The following SULT1B1 variants were observed in gnomAD, a reference collection of about 807,000 sequenced individuals.
SULT1B1 encodes sulfotransferase 1B1.
In SULT1B1, 28 loss-of-function variants were observed where a neutral mutation model predicts 34.6. That is an observed-to-expected ratio of 0.81 (90% confidence interval 0.60 to 1.11). The LOEUF is 1.11. Among genes scored for constraint, SULT1B1 ranks in the 50% least tolerant of loss-of-function variants. SULT1B1 has a pLI of 0.00. For missense variants in SULT1B1, 374 were observed against 352.2 expected, an observed-to-expected ratio of 1.06 and a Z score of -0.50; for synonymous variants, 147 against 110.2, an observed-to-expected ratio of 1.33 and a Z score of -2.09.
chr4:69,730,023 A>T (rs963408347), intron 7 of SULT1B1, among the ~76,000 whole-genome samples: 15 of 152,124 alleles, frequency 9.9e-5, no homozygotes, highest in Admixed American at 8.5e-4. Context: ...GAGGGCTAAA[A>T]CTTCTTATAA....
intron 4 of SULT1B1, among the ~76,000 whole-genome samples, chr4:69,743,992 G>C (rs763212427): frequency 4.7e-4 from 72 of 152,130 alleles, no homozygotes; most frequent in African/African-American, 1.7e-3. Context: ...AAAGCACAGG[G>C]AGCCCTGGGT....
At chr4:69,755,590 A>T (rs555016347) in intron 1 of SULT1B1, among the ~76,000 whole-genome samples, 14 of 152,302 alleles carry the variant, frequency 9.2e-5, no homozygotes, top group African/African-American at 3.4e-4. Context: ...ACTGCTCATT[A>T]TTAAGACTTC....
chr4:69,751,909 C>T (rs1718997601), intron 3 of SULT1B1, among the ~76,000 whole-genome samples: 1 of 152,186 alleles, frequency 6.6e-6, no homozygotes, highest in Non-Finnish European at 1.5e-5. Context: ...GGTTCTGTCA[C>T]TTTTTCATTT....
intron 4 of SULT1B1, 52 bp from the exon 5 acceptor site, chr4:69,734,316 T>A (rs1401136602): frequency 7.6e-6 from 12 of 1,573,232 alleles, no homozygotes; most frequent in Non-Finnish European, 8.6e-7. Context: ...AGACATTTTG[T>A]TTAGGAAAAA....
At chr4:69,736,746 G>A (rs1468846934) in intron 4 of SULT1B1, among the ~76,000 whole-genome samples, 3 of 152,060 alleles carry the variant, frequency 2.0e-5, no homozygotes, top group African/African-American at 7.2e-5. Context: ...TGTAATGGCA[G>A]TGTTAGAGGA....
intron 4 of SULT1B1, among the ~76,000 whole-genome samples, chr4:69,744,888 T>A (rs1718692265): frequency 6.6e-6 from 1 of 152,220 alleles, no homozygotes; most frequent in Non-Finnish European, 1.5e-5. Context: ...TTAGTACTGC[T>A]TTAGCTATGT....
chr4:69,733,495 G>A lies in SULT1B1; in HGVS notation c.515C>T (p.Ser172Phe). The A allele has an allele frequency of 1.9e-6, 3 of 1,602,548 alleles. No individual in the cohort carries two copies. In the East Asian group the frequency reaches 6.8e-5, roughly 36 times the overall value. ...KFLTGKVAYG[S>F]WFTHVKNWWK... is the part of the protein sequence containing the mutation. ...CCAGTTTTTAACATGAGTAAACCAG[G>A]AACCATAGGCCACTAAAACCAGATA... Residue 172 changes from serine to phenylalanine, a missense_variant, in exon 6 of 8, where the codon TCC becomes TTC. By Grantham distance (155) the Ser-to-Phe change is radical. Coordinates refer to ENST00000310613, the MANE Select transcript of SULT1B1 (RefSeq NM_014465.4).
intron 4 of SULT1B1, among the ~76,000 whole-genome samples, chr4:69,740,765 G>A (rs927974237): frequency 1.3e-5 from 2 of 152,126 alleles, no homozygotes; most frequent in Non-Finnish European, 2.9e-5. Context: ...TCTTTTGCCA[G>A]TTTTTAATTG....
intron 6 of SULT1B1, among the ~76,000 whole-genome samples, chr4:69,731,433 G>C (rs890273766): frequency 1.3e-5 from 2 of 152,064 alleles, no homozygotes; most frequent in Non-Finnish European, 2.9e-5. Context: ...TCCCGTCCCT[G>C]GTGCCAAAAA....
In SULT1B1 at chr4:69,750,023, G is replaced by A. The variant is rs1303296506; in HGVS notation, c.278-205C>T. Among the ~76,000 whole-genome samples, 5 of 152,126 alleles carry A rather than the reference G, an allele frequency of 3.3e-5. No homozygotes were observed. In the East Asian group the frequency reaches 9.6e-4, roughly 29 times the overall value. Reference sequence around the variant, plus strand: ...CACATTCTGAGGTTAGCCACCCTGAGTTCAAATGCTAACTCTATCACTTAA... The same window carrying A: ...CACATTCTGAGGTTAGCCACCCTGAATTCAAATGCTAACTCTATCACTTAA... On this transcript the variant is annotated intron_variant, in intron 3 of 7. Coordinates refer to ENST00000310613, the MANE Select transcript of SULT1B1 (RefSeq NM_014465.4).
intron 3 of SULT1B1, among the ~76,000 whole-genome samples, chr4:69,750,354 A>G (rs1718933454): frequency 6.6e-6 from 1 of 152,138 alleles, no homozygotes; most frequent in Admixed American, 6.5e-5. Context: ...CCATATATGT[A>G]TAGACAGTAA....
intron 3 of SULT1B1, among the ~76,000 whole-genome samples, chr4:69,753,699 T>A (rs978091317): frequency 6.6e-6 from 1 of 152,220 alleles, no homozygotes; most frequent in Admixed American, 6.5e-5. Flanking sequence ...CTTGTTAAAT[T>A]AAGTTTAGAC....
intron 1 of SULT1B1, chr4:69,758,524 A>G (rs1404217498): frequency 2.1e-6 from 2 of 959,828 alleles, no homozygotes; most frequent in African/African-American, 3.5e-5. Context: ...CCTCATTTCA[A>G]AAATTGTCTA....
intron 4 of SULT1B1, among the ~76,000 whole-genome samples, chr4:69,749,430 A>T (rs1718883269): frequency 6.6e-6 from 1 of 152,176 alleles, no homozygotes; most frequent in Non-Finnish European, 1.5e-5. Flanking sequence ...TAACGTCCTT[A>T]AGTTCAGTTT....
chr4:69,730,670 C>T lies in SULT1B1; in HGVS notation c.609G>A (p.Glu203=). ...GAAATCTAATGATCTTCTTGATTTC[C>T]TCCTTTGGATTCTATTAGTGGGTAA... ...YYEDMKENPK[E]EIKKIIRFLE... Residue 203 remains glutamate (E), a synonymous_variant, in exon 7 of 8, where the codon GAG becomes GAA. Transcript: ENST00000310613. 3 of 1,611,670 alleles carry T rather than the reference C, an allele frequency of 1.9e-6. No homozygotes were observed. The highest frequency in any genetic ancestry group is 2.5e-6 in the Non-Finnish European group (3 of 1,179,368).
At chr4:69,728,986 A>G (rs1425859577) in intron 7 of SULT1B1, among the ~76,000 whole-genome samples, 1 of 151,914 alleles carries the variant, frequency 6.6e-6, no homozygotes, top group Non-Finnish European at 1.5e-5. Context: ...CTTTTTTTCT[A>G]TTGAGGTTGG....
Position 69,721,449 on chromosome 4 carries a change from A to G in SULT1B1, c.*5639T>C, listed in dbSNP as rs1717667730. 6.6e-6 allele frequency: 1 copy of G among 152,114 alleles called. No homozygotes were observed. Among genetic ancestry groups the G allele is most frequent in the South Asian group, 2.1e-4 (1 of 4,836 alleles). 9.4% of individuals were successfully genotyped at this position (152,114 alleles called of 1,614,324 possible). ...GTTTTCCCATATATCATTAATATCAAGCATTTTGAAGAAATTATAGTATCT... is the reference window on the plus strand; with the variant it reads ...GTTTTCCCATATATCATTAATATCAGGCATTTTGAAGAAATTATAGTATCT... On this transcript the variant is annotated 3_prime_UTR_variant, in exon 8 of 8. Coordinates refer to ENST00000310613, the MANE Select transcript of SULT1B1 (RefSeq NM_014465.4).
rs769332951 is a variant in SULT1B1, at chr4:69,730,574, G to A, written c.705C>T (p.Asp235=). The A allele has an allele frequency of 6.2e-7, 1 of 1,613,138 alleles. No homozygotes were observed. Among genetic ancestry groups the A allele is most frequent in the Non-Finnish European group, 8.5e-7 (1 of 1,179,462 alleles). The change falls in exon 7 of 8, where the codon GAC becomes GAT. Residue 235 remains aspartate, a synonymous_variant. Transcript: ENST00000310613. The part of the protein sequence containing the change: ...IHHTSFEVMK[D]NPLVNYTHLP... ...GATGTGTATAATTTACCAAAGGATT[G>A]TCCTTCATCACTTCAAATGAGGTGT...
At position 69,733,572 on chromosome 4, in the gene SULT1B1, T is replaced by C. The variant is rs977405343; in HGVS notation, c.503-65A>G. 12 of 1,203,896 alleles carry C rather than the reference T, an allele frequency of 1.0e-5. No individual in the cohort carries two copies. The African/African-American group carries it at 1.9e-4, about 19-fold the overall frequency. The allele number at this position is 1,203,896 out of a possible 1,614,324, so 74.6% of individuals were successfully genotyped here. ...AAATTAAATATTTCTGTCTGAATAG[T>C]AAATCAAATTGTGAAAACATTTTGA... On this transcript the variant is annotated intron_variant, in intron 5 of 7. Transcript: ENST00000310613.
Sources: gnomAD v4.1 joint callset for allele counts (sites outside exome capture counted in the v4.1 genomes callset) on GRCh38, gnomAD v4.1.1 for gene constraint, MANE v1.5 for transcripts, NCBI Gene and HGNC (gene_info 2026-07-23, HGNC 2026-07-21) for gene names.